The following ZBBX variants were observed in gnomAD, a reference collection of about 807,000 sequenced individuals.
ZBBX encodes zinc finger B-box domain-containing protein 1.
ZBBX carries 101 observed loss-of-function variants against 108.5 expected under a neutral mutation model. That is an observed-to-expected ratio of 0.93 (90% CI 0.79 to 1.10). The LOEUF is 1.10. ZBBX is among the 50% of genes least tolerant of loss of function. The pLI, the probability that ZBBX is intolerant of heterozygous loss-of-function variation, is 0.00. For synonymous variants in ZBBX, 356 were observed against 323.4 expected (o/e 1.10, Z -1.08); for missense variants, 1,009 against 941.4 (o/e 1.07, Z -0.94).
At chr3:167,407,067 G>A (rs1311085178) in intron 1 of ZBBX, among the ~76,000 whole-genome samples, 1 of 152,144 alleles carries the variant, frequency 6.6e-6, no homozygotes, top group Non-Finnish European at 1.5e-5. Context: ...TGGTCACAGA[G>A]TTAATGCTTG....
intron 9 of ZBBX, among the ~76,000 whole-genome samples, chr3:167,342,357 G>A (rs1038301246): frequency 6.6e-6 from 1 of 151,668 alleles, no homozygotes; most frequent in Admixed American, 6.6e-5. Flanking sequence ...GATCTTTATG[G>A]TCCCCTCCAA....
In ZBBX at chr3:167,333,940, A is replaced by G. The variant is rs934511447; in HGVS notation, c.574T>C (p.Phe192Leu). The change falls in exon 10 of 22, where the codon TTT (phenylalanine) becomes CTT (leucine). Residue 192 changes from phenylalanine (F) to leucine (L), a missense_variant. Phe to Leu is a conservative substitution (Grantham distance 22). Transcript: ENST00000675490. The stretch of plus-strand genomic sequence containing the variant: ...TCATCTGGATTAACATCCTTTATAA[A>G]CTGATGGGCAACATCCAATACATTG... The part of the protein sequence containing the change: ...LFNVLDVAHQ[F>L]IKDVNPDEPK... 6.2e-7 allele frequency: 1 copy of G among 1,607,008 alleles called. No individual in the cohort carries two copies. The highest frequency in any genetic ancestry group is 8.5e-7 in the Non-Finnish European group (1 of 1,176,586).
intron 20 of ZBBX, among the ~76,000 whole-genome samples, chr3:167,272,249 C>T (rs528661921): frequency 1.3e-4 from 20 of 152,292 alleles, no homozygotes; most frequent in African/African-American, 4.3e-4. Context: ...TATATCCCTA[C>T]GTTTGAGACA....
chr3:167,388,288 G>C (rs758410995), intron 1 of ZBBX, among the ~76,000 whole-genome samples: 1 of 151,916 alleles, frequency 6.6e-6, no homozygotes, highest in Non-Finnish European at 1.5e-5. Context: ...AAAATGTTAG[G>C]AGATAAGACT....
intron 8 of ZBBX, among the ~76,000 whole-genome samples, chr3:167,352,947 C>T (rs930943278): frequency 2.0e-5 from 3 of 152,064 alleles, no homozygotes; most frequent in Non-Finnish European, 4.4e-5. Flanking sequence ...AAACCCTCAA[C>T]GACCTAGGCA....
chr3:167,332,196 C>A (rs1011898914), intron 10 of ZBBX, among the ~76,000 whole-genome samples: 1 of 152,054 alleles, frequency 6.6e-6, no homozygotes, highest in Non-Finnish European at 1.5e-5. Context: ...AAGCGGTTAT[C>A]TCTTCATTGT....
At chr3:167,284,781 AACAG>A in intron 19 of ZBBX, among the ~76,000 whole-genome samples, 1 of 152,228 alleles carries the variant, frequency 6.6e-6, no homozygotes, top group African/African-American at 2.4e-5. Flanking sequence ...AAAACACAGA[AACAG>A]ACAGAAGAGG....
upstream of ZBBX, among the ~76,000 whole-genome samples, chr3:167,382,658 T>A (rs557982204): frequency 6.5e-3 from 987 of 152,224 alleles, 1 homozygote; most frequent in Non-Finnish European, 0.01. Flanking sequence ...AGAAATAAGG[T>A]AAAGCCAAAA....
At chr3:167,298,659 G>A (rs1418061622) in intron 17 of ZBBX, among the ~76,000 whole-genome samples, 1 of 151,996 alleles carries the variant, frequency 6.6e-6, no homozygotes, top group Admixed American at 6.6e-5. Context: ...GTAATTCTCT[G>A]AAAGTTGATA....
intron 1 of ZBBX, among the ~76,000 whole-genome samples, chr3:167,400,609 T>C (rs1393357065): frequency 6.6e-6 from 1 of 152,094 alleles, no homozygotes; most frequent in Admixed American, 6.6e-5. Context: ...ACTCCAAATA[T>C]ATAAGACAGG....
the ZBBX span, among the ~76,000 whole-genome samples, chr3:167,189,661 T>C: frequency 1.3e-5 from 2 of 152,208 alleles, no homozygotes; most frequent in East Asian, 1.9e-4. Context: ...AGATTTATGT[T>C]CACAGCAAAA....
the ZBBX span, among the ~76,000 whole-genome samples, chr3:167,215,582 G>C: frequency 6.6e-6 from 1 of 152,024 alleles, no homozygotes; most frequent in Non-Finnish European, 1.5e-5. Context: ...CCTACTGAAA[G>C]TATTCCAATA....
chr3:167,370,897 C>G (rs1454535955), intron 4 of ZBBX, among the ~76,000 whole-genome samples: 1 of 151,998 alleles, frequency 6.6e-6, no homozygotes, highest in Non-Finnish European at 1.5e-5. Flanking sequence ...TTAGAGGCAA[C>G]ACAGATGATA....
At chr3:167,259,638 C>T (rs1576798640) in intron 20 of ZBBX, among the ~76,000 whole-genome samples, 1 of 152,070 alleles carries the variant, frequency 6.6e-6, no homozygotes, top group Admixed American at 6.6e-5. Context: ...CTTAGCACCA[C>T]CTTTGCCTTA....
intron 18 of ZBBX, among the ~76,000 whole-genome samples, chr3:167,292,371 C>A (rs969978279): frequency 4.6e-5 from 7 of 152,166 alleles, no homozygotes; most frequent in African/African-American, 1.2e-4. Flanking sequence ...ACAGTGCAAT[C>A]AAATTAGGAA....
At chr3:167,261,123 G>A (rs532549366) in intron 20 of ZBBX, among the ~76,000 whole-genome samples, 1 of 152,290 alleles carries the variant, frequency 6.6e-6, no homozygotes, top group South Asian at 2.1e-4. Context: ...CACCCAGAGA[G>A]TCTACCTGGC....
At chr3:167,327,916 A>AAAG (rs1311431132) in intron 11 of ZBBX, 26 bp downstream of exon 11, 1 of 1,181,648 alleles carries the variant, frequency 8.5e-7, no homozygotes, top group East Asian at 3.0e-5. Flanking sequence ...TCTGTCTCAA[A>AAAG]AAAAAAAAAA....
chr3:167,260,825 C>G (rs577908794), intron 20 of ZBBX, among the ~76,000 whole-genome samples: 8 of 152,358 alleles, frequency 5.3e-5, no homozygotes, highest in African/African-American at 1.9e-4. Context: ...AATTCTTTTT[C>G]AGGTAAATCA....
At chr3:167,200,383 T>C in the ZBBX span, among the ~76,000 whole-genome samples, 1 of 152,174 alleles carries the variant, frequency 6.6e-6, no homozygotes, top group Non-Finnish European at 1.5e-5. Flanking sequence ...ATTTTTATCT[T>C]TAAAGCTTTC....
Sources: allele counts gnomAD v4.1 joint callset (sites outside exome capture counted in the v4.1 genomes callset), GRCh38; gene constraint gnomAD v4.1.1; transcripts MANE v1.5; gene names NCBI Gene and HGNC (gene_info 2026-07-23, HGNC 2026-07-21).